UTS2R: variants seen among roughly 807,000 people sequenced by gnomAD.
The protein encoded by UTS2R is urotensin-2 receptor.
For missense variants in UTS2R, 653 were observed against 562.2 expected, an observed-to-expected ratio of 1.16 and a Z score of -1.63; for synonymous variants, 335 against 280.9, an observed-to-expected ratio of 1.19 and a Z score of -1.93.
chr17:82,373,912 C>G (rs1185867521), intron 2 of UTS2R, among the ~76,000 whole-genome samples: 1 of 152,234 alleles, frequency 6.6e-6, no homozygotes, highest in African/African-American at 2.4e-5. Flanking sequence ...ATGGGCAGAG[C>G]CCAGGACTCC....
At position 82,374,390 on chromosome 17, in the gene UTS2R, G is replaced by A. The variant is rs1431107425; in HGVS notation, c.66G>A (p.Pro22=). Reference sequence around the variant, plus strand: ...TGGCCGCCACTGGCAGCTCTGTGCCGGAGCCGCCTGGCGGCCCCAACGCAA... The same window carrying A: ...TGGCCGCCACTGGCAGCTCTGTGCCAGAGCCGCCTGGCGGCCCCAACGCAA... ...PGLAATGSSV[P]EPPGGPNATL... The change falls in exon 3 of 3, where the codon CCG becomes CCA. Residue 22 remains proline (P), a synonymous_variant. Coordinates refer to ENST00000313135, the MANE Select transcript of UTS2R (RefSeq NM_018949.3). 3.1e-6 allele frequency: 5 copies of A among 1,589,948 alleles called. No individual in the cohort carries two copies. The highest frequency in any genetic ancestry group is 3.4e-5 in the Admixed American group (2 of 58,620).
chr17:82,375,575 A>T lies in UTS2R; in HGVS notation c.*81A>T. 2 of 557,746 alleles carry T rather than the reference A, an allele frequency of 3.6e-6. No homozygotes were observed. The highest frequency in any genetic ancestry group is 6.0e-6 in the Non-Finnish European group (2 of 332,894). 34.5% of individuals were successfully genotyped at this position (557,746 alleles called of 1,614,324 possible). A position where few individuals can be genotyped will look rare whatever the true frequency, so the allele number is the denominator to read the frequency against. Reference sequence around the variant, plus strand: ...CTCCCGGGAGCCCCCCCAACTCCCAAATCACAGGCCCTGCCCCTCCTCCGT... The same window carrying T: ...CTCCCGGGAGCCCCCCCAACTCCCATATCACAGGCCCTGCCCCTCCTCCGT... On this transcript the variant is annotated 3_prime_UTR_variant, in exon 3 of 3. Coordinates refer to ENST00000313135, the MANE Select transcript of UTS2R (RefSeq NM_018949.3).
rs1330632864 is a variant in UTS2R at position 82,374,447 on chromosome 17, G to T, written c.123G>T (p.Glu41Asp). 1 of 1,599,964 alleles carries T rather than the reference G, an allele frequency of 6.3e-7. No homozygotes were observed. Among genetic ancestry groups the T allele is most frequent in the Non-Finnish European group, 8.5e-7 (1 of 1,175,908 alleles). ...ACAGCTCCTGGGCCAGCCCGACCGA[G>T]CCCAGCTCCCTGGAGGACCTGGTGG... is the stretch of plus-strand genomic sequence containing the variant. ...TLNSSWASPTEPSSLEDLVAT... is the reference protein window; with the variant it reads ...TLNSSWASPTDPSSLEDLVAT... Residue 41 changes from glutamate to aspartate, a missense_variant, in exon 3 of 3, where the codon GAG (glutamate) becomes GAT (aspartate). Physicochemically the swap from Glu to Asp is conservative, Grantham distance 45. Coordinates refer to ENST00000313135, the MANE Select transcript of UTS2R (RefSeq NM_018949.3).
chr17:82,374,643 A>T lies in UTS2R; in HGVS notation c.319A>T (p.Ile107Phe). 1 of 1,613,064 alleles carries T rather than the reference A, an allele frequency of 6.2e-7. No individual in the cohort carries two copies. Among genetic ancestry groups the T allele is most frequent in the Non-Finnish European group, 8.5e-7 (1 of 1,179,812 alleles). ...DLLYLLSIPF[I>F]VATYVTKEWH... ...GCTGTACCTGCTCAGCATCCCCTTC[A>T]TCGTGGCCACCTACGTCACCAAGGA... is the stretch of plus-strand genomic sequence containing the variant. The change falls in exon 3 of 3, where the codon ATC becomes TTC. Residue 107 changes from isoleucine to phenylalanine, a missense_variant. Transcript: ENST00000313135.
Position 82,374,657 on chromosome 17 carries a change from C to T in UTS2R, c.333C>T (p.Tyr111=), listed in dbSNP as rs779669296. The change falls in exon 3 of 3, where the codon TAC becomes TAT. Residue 111 remains tyrosine, a synonymous_variant. Coordinates refer to ENST00000313135, the MANE Select transcript of UTS2R (RefSeq NM_018949.3). ...LLSIPFIVAT[Y]VTKEWHFGDV... ...GCATCCCCTTCATCGTGGCCACCTACGTCACCAAGGAGTGGCACTTCGGGG... is the reference window on the plus strand; with the variant it reads ...GCATCCCCTTCATCGTGGCCACCTATGTCACCAAGGAGTGGCACTTCGGGG... The T allele has an allele frequency of 1.4e-5, 23 of 1,613,350 alleles. No homozygotes were observed. The South Asian group carries it at 2.1e-4, about 15-fold the overall frequency.
rs1035680852 is a variant in UTS2R, at chr17:82,377,197, T to C, written c.*1703T>C. Among the ~76,000 whole-genome samples, 1 of 152,122 alleles carries C rather than the reference T, an allele frequency of 6.6e-6. No individual in the cohort carries two copies. Among genetic ancestry groups the C allele is most frequent in the African/African-American group, 2.4e-5 (1 of 41,416 alleles). ...CCTGTGCTCTCTGAAACATGTGCTG[T>C]GTCCACTCAGGGTTGAATGGATTAA... On this transcript the variant is annotated 3_prime_UTR_variant, in exon 3 of 3. Coordinates refer to ENST00000313135, the MANE Select transcript of UTS2R (RefSeq NM_018949.3).
intron 1 of UTS2R, among the ~76,000 whole-genome samples, chr17:82,372,310 G>A (rs1405656995): frequency 6.6e-6 from 1 of 152,180 alleles, no homozygotes; most frequent in Non-Finnish European, 1.5e-5. Context: ...GGGGAGCCCG[G>A]TGCACCCTCG....
At position 82,374,889 on chromosome 17, in the gene UTS2R, C is replaced by A; in HGVS notation, c.565C>A (p.Arg189=). The A allele has an allele frequency of 8.0e-7, 1 of 1,247,840 alleles. No individual in the cohort carries two copies. Among genetic ancestry groups the A allele is most frequent in the South Asian group, 1.3e-5 (1 of 79,408 alleles). The allele number at this position is 1,247,840 out of a possible 1,614,324, so 77.3% of individuals were successfully genotyped here. A position where few individuals can be genotyped will look rare whatever the true frequency, so the allele number is the denominator to read the frequency against. ...LLTLPVMLAM[R]LVRRGPKSLC... ...GACGCTGCCCGTGATGCTGGCCATG[C>A]GGCTGGTGCGCCGGGGTCCCAAGAG... The change falls in exon 3 of 3, where the codon CGG becomes AGG. Residue 189 remains arginine (R), a synonymous_variant. Transcript: ENST00000313135.
chr17:82,374,204 G>A lies in UTS2R; in HGVS notation c.-82-39G>A. On this transcript the variant is annotated intron_variant, in intron 2 of 2. Coordinates refer to ENST00000313135, the MANE Select transcript of UTS2R (RefSeq NM_018949.3). The stretch of plus-strand genomic sequence containing the variant: ...CGAGGCCATCACAGTGGCCTCCTGG[G>A]AGCGGAAGGTGTTGCCTGATTTGCT... 3.9e-6 allele frequency: 3 copies of A among 760,928 alleles called. No homozygotes were observed. The South Asian group carries it at 5.6e-5, about 14-fold the overall frequency. The allele number at this position is 760,928 out of a possible 1,614,324, so 47.1% of individuals were successfully genotyped here. A position where few individuals can be genotyped will look rare whatever the true frequency, so the allele number is the denominator to read the frequency against.
rs1157170218 is a variant in UTS2R at position 82,376,642 on chromosome 17, G to A, written c.*1148G>A. 6.6e-6 allele frequency among the ~76,000 whole-genome samples: 1 copy of A among 152,240 alleles called. No homozygotes were observed. Among genetic ancestry groups the A allele is most frequent in the Non-Finnish European group, 1.5e-5 (1 of 68,038 alleles). On this transcript the variant is annotated 3_prime_UTR_variant, in exon 3 of 3. Transcript: ENST00000313135. ...GGGGCAATGCTTGCAGCTCCCCCCTGGAGTTACGAAAGTGCTCTGGAACTA... is the reference window on the plus strand; with the variant it reads ...GGGGCAATGCTTGCAGCTCCCCCCTAGAGTTACGAAAGTGCTCTGGAACTA...
Position 82,377,328 on chromosome 17 carries a change from G to T in UTS2R, c.*1834G>T, listed in dbSNP as rs1001717180. On this transcript the variant is annotated 3_prime_UTR_variant, in exon 3 of 3. Transcript: ENST00000313135. ...AAGTACCCAGGGACACAAACACTGC[G>T]GAAGGCCGCAGGGTCCTCTGCCTAG... is the stretch of plus-strand genomic sequence containing the variant. 6.6e-6 allele frequency among the ~76,000 whole-genome samples: 1 copy of T among 151,864 alleles called. No homozygotes were observed. Among genetic ancestry groups the T allele is most frequent in the African/African-American group, 2.4e-5 (1 of 41,300 alleles).
rs1463004863 is a variant in UTS2R at position 82,376,988 on chromosome 17, G to A, written c.*1494G>A. ...GTGCCCAGCAGCTCATTGAGAACGG[G>A]CCATGATGACAATGGCGGTTTTGTG... On this transcript the variant is annotated 3_prime_UTR_variant, in exon 3 of 3. Coordinates refer to ENST00000313135, the MANE Select transcript of UTS2R (RefSeq NM_018949.3). 6.6e-6 allele frequency among the ~76,000 whole-genome samples: 1 copy of A among 152,248 alleles called. No individual in the cohort carries two copies. The highest frequency in any genetic ancestry group is 1.9e-4 in the East Asian group (1 of 5,196).
chr17:82,374,486 T>G lies in UTS2R; in HGVS notation c.162T>G (p.Ile54Met). ...AGGACCTGGTGGCCACGGGCACCATTGGGACTCTGCTGTCGGCCATGGGCG... is the reference window on the plus strand; with the variant it reads ...AGGACCTGGTGGCCACGGGCACCATGGGGACTCTGCTGTCGGCCATGGGCG... ...SLEDLVATGT[I>M]GTLLSAMGVV... The change falls in exon 3 of 3, where the codon ATT (isoleucine) becomes ATG (methionine). Residue 54 changes from isoleucine (I) to methionine (M), a missense_variant. Physicochemically the swap from Ile to Met is conservative, Grantham distance 10. Coordinates refer to ENST00000313135, the MANE Select transcript of UTS2R (RefSeq NM_018949.3). The G allele has an allele frequency of 6.3e-7, 1 of 1,592,328 alleles. No homozygotes were observed. Among genetic ancestry groups the G allele is most frequent in the Non-Finnish European group, 8.5e-7 (1 of 1,170,510 alleles).
rs757442019 is a variant in UTS2R, at chr17:82,375,319, G to A, written c.995G>A (p.Gly332Asp). 3.9e-6 allele frequency: 6 copies of A among 1,545,908 alleles called. No homozygotes were observed. The highest frequency in any genetic ancestry group is 1.2e-5 in the South Asian group (1 of 83,428). ...GACCACCTGCGCGGCCGCGTGCGGG[G>A]CCCGGGCAGCGGGGGAGGCCGGGGG... is the stretch of plus-strand genomic sequence containing the variant. ...YRDHLRGRVR[G>D]PGSGGGRGPV... The change falls in exon 3 of 3, where the codon GGC (glycine) becomes GAC (aspartate). Residue 332 changes from glycine to aspartate, a missense_variant. Transcript: ENST00000313135.
At chr17:82,372,429 G>C (rs1207758612) in intron 1 of UTS2R, among the ~76,000 whole-genome samples, 169 bp from the exon 2 acceptor site, 4 of 152,206 alleles carry the variant, frequency 2.6e-5, no homozygotes, top group Non-Finnish European at 5.9e-5. Context: ...CGGCCTGGTG[G>C]GAAAGGGCGG....
rs537467125 is a variant in UTS2R, at chr17:82,375,369, G to T, written c.1045G>T (p.Ala349Ser). Residue 349 changes from alanine (A) to serine (S), a missense_variant, in exon 3 of 3, where the codon GCC becomes TCC. Physicochemically the swap from Ala to Ser is moderately conservative, Grantham distance 99. Coordinates refer to ENST00000313135, the MANE Select transcript of UTS2R (RefSeq NM_018949.3). ...RGPVPSLQPR[A>S]RFQRCSGRSL... ...GCCCGTTCCCTCCCTGCAGCCCCGC[G>T]CCCGCTTCCAGCGCTGTTCGGGCCG... 4 of 1,577,972 alleles carry T rather than the reference G, an allele frequency of 2.5e-6. No homozygotes were observed. In the East Asian group the frequency reaches 7.2e-5, roughly 28 times the overall value.
rs2052490185 is a variant in UTS2R at position 82,375,553 on chromosome 17, C to T, written c.*59C>T. 4.6e-6 allele frequency: 3 copies of T among 656,066 alleles called. No individual in the cohort carries two copies. The Admixed American group carries it at 1.2e-4, about 27-fold the overall frequency. 40.6% of individuals were successfully genotyped at this position (656,066 alleles called of 1,614,324 possible). A position where few individuals can be genotyped will look rare whatever the true frequency, so the allele number is the denominator to read the frequency against. ...ACGCGCCCCAAAGCCCCAGCCACTC[C>T]CGGGAGCCCCCCCAACTCCCAAATC... is the stretch of plus-strand genomic sequence containing the variant. On this transcript the variant is annotated 3_prime_UTR_variant, in exon 3 of 3. Transcript: ENST00000313135.
At position 82,375,307 on chromosome 17, in the gene UTS2R, G is replaced by C. The variant is rs202144143; in HGVS notation, c.983G>C (p.Gly328Ala). 3.2e-6 allele frequency: 5 copies of C among 1,546,600 alleles called. No homozygotes were observed. Among genetic ancestry groups the C allele is most frequent in the Non-Finnish European group, 4.4e-6 (5 of 1,146,686 alleles). Residue 328 changes from glycine to alanine, a missense_variant, in exon 3 of 3, where the codon GGC becomes GCC. Transcript: ENST00000313135. ...AGGAACTACCGCGACCACCTGCGCG[G>C]CCGCGTGCGGGGCCCGGGCAGCGGG... is the stretch of plus-strand genomic sequence containing the variant. ...LTRNYRDHLR[G>A]RVRGPGSGGG...
intron 2 of UTS2R, 111 bp from the exon 3 acceptor site, chr17:82,374,132 T>G: frequency 5.3e-6 from 3 of 570,150 alleles, no homozygotes; most frequent in South Asian, 4.8e-5. Context: ...TTCCAGAGAG[T>G]CCCGAGAGTT....
Sources: allele counts gnomAD v4.1 joint callset (sites outside exome capture counted in the v4.1 genomes callset), GRCh38; gene constraint gnomAD v4.1.1; transcripts MANE v1.5; gene names NCBI Gene and HGNC (gene_info 2026-07-23, HGNC 2026-07-21).